Variants in OR52E5 observed in about 807,000 individuals in gnomAD.
OR52E5 encodes olfactory receptor 52E5.
At chr11:5,896,827 T>C (rs892456079) in intron 2 of OR52E5, among the ~76,000 whole-genome samples, 10 of 152,210 alleles carry the variant, frequency 6.6e-5, no homozygotes, top group African/African-American at 2.4e-4. Flanking sequence ...TTCCCTGGCC[T>C]GAATCTCATT....
At chr11:5,896,289 C>G (rs1590402218) in intron 2 of OR52E5, among the ~76,000 whole-genome samples, 1 of 126,774 alleles carries the variant, frequency 7.9e-6, no homozygotes, top group Non-Finnish European at 1.6e-5. Flanking sequence ...GGCGTGGTGG[C>G]AGGCACCTGT....
At position 5,900,759 on chromosome 11, in the gene OR52E5, T is replaced by C. The variant is rs1046828468; in HGVS notation, c.-18T>C. 134 of 400,330 alleles carry C rather than the reference T, an allele frequency of 3.3e-4. 1 individual carries two copies. The East Asian group carries it at 4.6e-3, about 14-fold the overall frequency. The allele number at this position is 400,330 out of a possible 1,614,324, so 24.8% of individuals were successfully genotyped here. On this transcript the variant is annotated 5_prime_UTR_variant, in exon 3 of 3. An upstream open reading frame in the 5' UTR loses its in-frame stop. Coordinates refer to ENST00000610445, the MANE Select transcript of OR52E5 (RefSeq NM_001005166.5). Reference sequence around the variant, plus strand: ...AAAACTCATGCAAGAAATGTGTCTGTAGGGAATGGCCACCAATATGCTTCA... The same window carrying C: ...AAAACTCATGCAAGAAATGTGTCTGCAGGGAATGGCCACCAATATGCTTCA...
At chr11:5,894,874 A>G (rs139447830) in intron 1 of OR52E5, among the ~76,000 whole-genome samples, 72 of 152,304 alleles carry the variant, frequency 4.7e-4, no homozygotes, top group African/African-American at 1.7e-3. Context: ...AGCCACAGAC[A>G]ATACATAAAT....
At chr11:5,899,614 C>T (rs1380975291) in intron 2 of OR52E5, among the ~76,000 whole-genome samples, 1 of 152,178 alleles carries the variant, frequency 6.6e-6, no homozygotes, top group Non-Finnish European at 1.5e-5. Flanking sequence ...GGATATGGCA[C>T]TGCCCGAATC....
intron 1 of OR52E5, among the ~76,000 whole-genome samples, chr11:5,895,159 G>A (rs1177085931): frequency 1.3e-5 from 2 of 152,090 alleles, no homozygotes; most frequent in Admixed American, 6.6e-5. Flanking sequence ...GAATTAAATG[G>A]CTGTGACAAT....
chr11:5,897,428 T>C (rs1847190732), intron 2 of OR52E5, among the ~76,000 whole-genome samples: 1 of 152,226 alleles, frequency 6.6e-6, no homozygotes, highest in African/African-American at 2.4e-5. Flanking sequence ...GAATAATGGC[T>C]TCCAGCTGCA....
intron 2 of OR52E5, among the ~76,000 whole-genome samples, chr11:5,896,083 A>C (rs908971238): frequency 6.6e-6 from 1 of 151,696 alleles, no homozygotes; most frequent in African/African-American, 2.4e-5. Context: ...AAAGAAAAGT[A>C]GAAAAACTAA....
In OR52E5 at chr11:5,901,619, T is replaced by A; in HGVS notation, c.843T>A (p.Val281=). The change falls in exon 3 of 3, where the codon GTT becomes GTA. Residue 281 remains valine (V), a synonymous_variant. Coordinates refer to ENST00000610445, the MANE Select transcript of OR52E5 (RefSeq NM_001005166.5). ...IHILLANLYV[V]FPPALNSVIY... ...TTCTTCTGGCCAATCTGTATGTGGT[T>A]TTTCCCCCTGCTCTTAACTCTGTTA... 5.0e-6 allele frequency: 2 copies of A among 401,436 alleles called. No individual in the cohort carries two copies. Among genetic ancestry groups the A allele is most frequent in the Non-Finnish European group, 4.4e-6 (1 of 226,288 alleles). 24.9% of individuals were successfully genotyped at this position (401,436 alleles called of 1,614,324 possible). A position where few individuals can be genotyped will look rare whatever the true frequency, so the allele number is the denominator to read the frequency against.
Position 5,901,727 on chromosome 11 carries a change from G to C in OR52E5, c.951G>C (p.Lys317Asn). 1 of 400,834 alleles carries C rather than the reference G, an allele frequency of 2.5e-6. No homozygotes were observed. Among genetic ancestry groups the C allele is most frequent in the Non-Finnish European group, 4.4e-6 (1 of 226,200 alleles). 24.8% of individuals were successfully genotyped at this position (400,834 alleles called of 1,614,324 possible). The stretch of plus-strand genomic sequence containing the variant: ...AAAGCTTTTGGCATTTTGACCCCAA[G>C]AGGATCTTCCACAACAATTCAGTTA... ...NPKSFWHFDP[K>N]RIFHNNSVRQ The change falls in exon 3 of 3, where the codon AAG becomes AAC. Residue 317 changes from lysine to asparagine, a missense_variant. Lys to Asn is a moderately conservative substitution (Grantham distance 94). Coordinates refer to ENST00000610445, the MANE Select transcript of OR52E5 (RefSeq NM_001005166.5).
intron 2 of OR52E5, among the ~76,000 whole-genome samples, chr11:5,900,307 G>A (rs1367070480): frequency 2.0e-5 from 3 of 151,876 alleles, no homozygotes; most frequent in African/African-American, 7.3e-5. Flanking sequence ...TAATTTCTCA[G>A]ATCTAATTTG....
chr11:5,901,733 C>A lies in OR52E5; in HGVS notation c.957C>A (p.Ile319=), dbSNP rs114575159. 4.3e-4 allele frequency: 173 copies of A among 400,816 alleles called. No individual in the cohort carries two copies. Among genetic ancestry groups the A allele is most frequent in the African/African-American group, 3.2e-3 (155 of 48,802 alleles). 24.8% of individuals were successfully genotyped at this position (400,816 alleles called of 1,614,324 possible). The change falls in exon 3 of 3, where the codon ATC becomes ATA. Residue 319 remains isoleucine, a synonymous_variant. Coordinates refer to ENST00000610445, the MANE Select transcript of OR52E5 (RefSeq NM_001005166.5). ...TTTGGCATTTTGACCCCAAGAGGAT[C>A]TTCCACAACAATTCAGTTAGACAAT... ...KSFWHFDPKR[I]FHNNSVRQ
chr11:5,893,562 A>T (rs555535781), intron 1 of OR52E5, among the ~76,000 whole-genome samples: 42 of 148,820 alleles, frequency 2.8e-4, no homozygotes, highest in East Asian at 1.2e-3. Flanking sequence ...TTTTAAAATT[A>T]AAAAAAAAAG....
Position 5,900,848 on chromosome 11 carries a change from T to C in OR52E5, c.72T>C (p.Asp24=). ...FLVVGVPGLE[D]VHVWIGFPFF... The stretch of plus-strand genomic sequence containing the variant: ...TAGTGGGGGTCCCAGGGCTGGAAGA[T>C]GTGCATGTATGGATTGGCTTCCCCT... The change falls in exon 3 of 3, where the codon GAT becomes GAC. Residue 24 remains aspartate (D), a synonymous_variant. Transcript: ENST00000610445. 1 of 401,404 alleles carries C rather than the reference T, an allele frequency of 2.5e-6. No homozygotes were observed. The highest frequency in any genetic ancestry group is 4.4e-6 in the Non-Finnish European group (1 of 226,290). The allele number at this position is 401,404 out of a possible 1,614,324, so 24.9% of individuals were successfully genotyped here. A position where few individuals can be genotyped will look rare whatever the true frequency, so the allele number is the denominator to read the frequency against.
Position 5,901,546 on chromosome 11 carries a change from CCTT to C in OR52E5, c.772_774del (p.Phe258del), listed in dbSNP as rs1847254384. 5.0e-6 allele frequency: 2 copies of C among 401,742 alleles called. No individual in the cohort carries two copies. The highest frequency in any genetic ancestry group is 8.8e-6 in the Non-Finnish European group (2 of 226,386). 24.9% of individuals were successfully genotyped at this position (401,742 alleles called of 1,614,324 possible). A position where few individuals can be genotyped will look rare whatever the true frequency, so the allele number is the denominator to read the frequency against. The stretch of plus-strand genomic sequence containing the variant: ...GCTTTCTACCTGCCAGCCCTCTTTT[CCTT>C]CATGACACACCGCTTTGGCCACAAC... On this transcript the variant is annotated inframe_deletion, in exon 3 of 3. Transcript: ENST00000610445.
chr11:5,893,549 G>T (rs1346889809), intron 1 of OR52E5, among the ~76,000 whole-genome samples: 1 of 151,894 alleles, frequency 6.6e-6, no homozygotes. Context: ...AGAAGGATAA[G>T]TGTTTTAAAA....
rs1847242329 is a variant in OR52E5 at position 5,900,989 on chromosome 11, T to C, written c.213T>C (p.Thr71=). The C allele has an allele frequency of 7.5e-6, 3 of 402,094 alleles. No homozygotes were observed. In the East Asian group the frequency reaches 1.1e-4, roughly 14 times the overall value. 24.9% of individuals were successfully genotyped at this position (402,094 alleles called of 1,614,324 possible). A position where few individuals can be genotyped will look rare whatever the true frequency, so the allele number is the denominator to read the frequency against. The change falls in exon 3 of 3, where the codon ACT becomes ACC. Residue 71 remains threonine, a synonymous_variant. Coordinates refer to ENST00000610445, the MANE Select transcript of OR52E5 (RefSeq NM_001005166.5). ...MFYFLAMLAG[T]DLGLSTATIP... ...ACTTCCTAGCCATGTTGGCCGGCAC[T>C]GATCTGGGCTTGTCTACAGCAACCA...
chr11:5,895,838 A>C (rs201911214), intron 2 of OR52E5, 125 bp downstream of exon 2: 2 of 152,210 alleles, frequency 1.3e-5, no homozygotes, highest in East Asian at 1.9e-4. Context: ...TGAGGCAGGC[A>C]GATCAGCTGA....
intron 2 of OR52E5, among the ~76,000 whole-genome samples, chr11:5,898,656 T>A (rs2134293339): frequency 6.6e-6 from 1 of 152,292 alleles, no homozygotes; most frequent in Admixed American, 6.5e-5. Flanking sequence ...TTCTTCTACA[T>A]ATGGCTAGAC....
Position 5,901,964 on chromosome 11 carries a change from AC to A in OR52E5, c.*205del, listed in dbSNP as rs1450397868. On this transcript the variant is annotated 3_prime_UTR_variant, in exon 3 of 3. Coordinates refer to ENST00000610445, the MANE Select transcript of OR52E5 (RefSeq NM_001005166.5). The stretch of plus-strand genomic sequence containing the variant: ...AGTACTCACACTTAAGCCCCATGAT[AC>A]TACAAAATGCCTAAAGAGAAACAAA... 2.6e-6 allele frequency: 1 copy of A among 381,478 alleles called. No homozygotes were observed. Among genetic ancestry groups the A allele is most frequent in the African/African-American group, 2.1e-5 (1 of 48,350 alleles). The allele number at this position is 381,478 out of a possible 1,614,324, so 23.6% of individuals were successfully genotyped here.
Sources: allele counts gnomAD v4.1 joint callset (sites outside exome capture counted in the v4.1 genomes callset), GRCh38; gene constraint gnomAD v4.1.1; transcripts MANE v1.5; gene names NCBI Gene and HGNC (gene_info 2026-07-23, HGNC 2026-07-21).